LIMCH1: variants seen among roughly 807,000 people sequenced by gnomAD.
The protein encoded by LIMCH1 is LIM and calponin homology domains 1, also known as LIM and calponin homology domains-containing protein 1.
In LIMCH1, 113 loss-of-function variants were observed where a neutral mutation model predicts 176.5. The ratio of observed to expected loss-of-function variants is 0.64; its 90% confidence interval spans 0.55 to 0.75. The LOEUF (loss-of-function observed/expected upper bound fraction) is 0.75, where lower values mean the gene tolerates loss of function less well. Ranked by LOEUF, LIMCH1 falls within the 30% of genes least tolerant of loss-of-function variation. The pLI, the probability that LIMCH1 is intolerant of heterozygous loss-of-function variation, is 0.00. For missense variants in LIMCH1, 1,674 were observed against 1,814.9 expected, an observed-to-expected ratio of 0.92 and a Z score of 1.41; for synonymous variants, 619 against 645.9, an observed-to-expected ratio of 0.96 and a Z score of 0.63.
Position 41,626,835 on chromosome 4 carries a change from G to A in LIMCH1, c.853G>A (p.Asp285Asn). 5 of 1,536,198 alleles carry A rather than the reference G, an allele frequency of 3.3e-6. No homozygotes were observed. Among genetic ancestry groups the A allele is most frequent in the Non-Finnish European group, 4.4e-6 (5 of 1,146,928 alleles). Residue 285 changes from aspartate (D) to asparagine (N), a missense_variant, in exon 8 of 32, where the codon GAT becomes AAT. Asp to Asn is a conservative substitution (Grantham distance 23). Around this residue, in one of 3 missense-constraint regions of LIMCH1, gnomAD observed 655 missense variants for 692.2 expected, o/e 0.95. Coordinates refer to ENST00000503057, the MANE Select transcript of LIMCH1 (RefSeq NM_001330672.2). ...AEGEVVCRLP[D>N]LEKDDFAARR... is the part of the protein sequence containing the mutation. ...AGGTGAAGTTGTGTGTCGACTGCCT[G>A]ATCTTGAGAAGGATGACTTTGCTGC...
At chr4:41,636,248 A>G (rs917177727) in intron 13 of LIMCH1, among the ~76,000 whole-genome samples, 2 of 141,858 alleles carry the variant, frequency 1.4e-5, no homozygotes, top group Admixed American at 1.4e-4. Flanking sequence ...TTTTTTTTGT[A>G]GGATGCTTTT....
intron 1 of LIMCH1, among the ~76,000 whole-genome samples, chr4:41,546,650 T>C (rs2079453286): frequency 6.6e-6 from 1 of 152,172 alleles, no homozygotes. Context: ...CTGTTCCACT[T>C]AGCATGTTAT....
At chr4:41,525,429 C>G (rs1010244467) in intron 3 of LIMCH1, among the ~76,000 whole-genome samples, 1 of 152,258 alleles carries the variant, frequency 6.6e-6, no homozygotes, top group Admixed American at 6.5e-5. Flanking sequence ...AGCCATATCA[C>G]GATGACTAAT....
chr4:41,606,025 T>C, intron 4 of LIMCH1, 21 bp downstream of exon 4: 1 of 1,527,794 alleles, frequency 6.5e-7, no homozygotes, highest in African/African-American at 1.4e-5. Context: ...TTTTCTTCTT[T>C]ATCCCATAAG....
At chr4:41,559,853 C>T (rs2081828386) in intron 1 of LIMCH1, among the ~76,000 whole-genome samples, 1 of 152,108 alleles carries the variant, frequency 6.6e-6, no homozygotes, top group Non-Finnish European at 1.5e-5. Context: ...TTCTTGTGCA[C>T]CTCTGTCTAT....
In LIMCH1 at chr4:41,661,522, A is replaced by C. The variant is rs2094618032; in HGVS notation, c.3127+12A>C. 4.5e-6 allele frequency: 7 copies of C among 1,554,670 alleles called. No homozygotes were observed. Among genetic ancestry groups the C allele is most frequent in the Non-Finnish European group, 6.2e-6 (7 of 1,128,444 alleles). The stretch of plus-strand genomic sequence containing the variant: ...ACTTGCCTCATCAGGTTTGTTTCAT[A>C]AGAGACTAGTTTTAAGGCAAATCAT... On this transcript the variant is annotated intron_variant, in intron 19 of 31. Coordinates refer to ENST00000503057, the MANE Select transcript of LIMCH1 (RefSeq NM_001330672.2).
intron 4 of LIMCH1, among the ~76,000 whole-genome samples, chr4:41,607,639 T>A (rs1481915198): frequency 2.0e-5 from 3 of 152,244 alleles, no homozygotes; most frequent in Non-Finnish European, 2.9e-5. Context: ...TTCTCATGAT[T>A]GACATTTCTT....
chr4:41,360,978 T>G lies in LIMCH1; in HGVS notation c.96+42T>G. The stretch of plus-strand genomic sequence containing the variant: ...GGCGGGCGGCCTTGCACTGGCGCCC[T>G]GAGCCACGGACCCGCGCACGCTCCG... On this transcript the variant is annotated intron_variant, in intron 1 of 26. Coordinates refer to the LIMCH1 transcript ENST00000313860. This position sits in a 1 kb window ranked among gnomAD's most constrained non-coding sequence, Gnocchi z 4.5. 6.9e-7 allele frequency: 1 copy of G among 1,442,560 alleles called. No homozygotes were observed. Among genetic ancestry groups the G allele is most frequent in the South Asian group, 1.3e-5 (1 of 79,254 alleles). 89.4% of individuals were successfully genotyped at this position (1,442,560 alleles called of 1,614,324 possible).
At chr4:41,528,417 A>G (rs2076915396) in intron 3 of LIMCH1, among the ~76,000 whole-genome samples, 1 of 152,226 alleles carries the variant, frequency 6.6e-6, no homozygotes. Context: ...AGGAAACCTC[A>G]AATAATTAAT....
At chr4:41,531,860 G>A (rs7668937) in intron 3 of LIMCH1, among the ~76,000 whole-genome samples, 26,514 of 151,968 alleles carry the variant, frequency 0.17, 2,381 homozygotes, top group African/African-American at 0.2. Flanking sequence ...TCCAGGGGTC[G>A]TCCTCCCCTT....
At chr4:41,519,586 T>C (rs2075919372) in intron 2 of LIMCH1, among the ~76,000 whole-genome samples, 1 of 152,216 alleles carries the variant, frequency 6.6e-6, no homozygotes, top group Admixed American at 6.5e-5. Context: ...GTTGACCTGA[T>C]TCATTTATGT....
intron 18 of LIMCH1, among the ~76,000 whole-genome samples, chr4:41,658,087 A>C (rs1231889692): frequency 6.6e-6 from 1 of 152,224 alleles, no homozygotes; most frequent in African/African-American, 2.4e-5. Flanking sequence ...GGTCACCAGC[A>C]CAGGCAGGGT....
chr4:41,626,601 A>C (rs763998385), intron 7 of LIMCH1, 107 bp from the exon 8 acceptor site: 10 of 887,378 alleles, frequency 1.1e-5, no homozygotes, highest in Non-Finnish European at 1.7e-5. Flanking sequence ...TGAACTAACA[A>C]TATCGAGAAG....
intron 27 of LIMCH1, 72 bp downstream of exon 27, chr4:41,684,590 A>G: frequency 1.3e-6 from 2 of 1,551,182 alleles, no homozygotes; most frequent in Admixed American, 1.8e-5. Flanking sequence ...CCAGAAAGCT[A>G]TGATCTCTGC....
intron 5 of LIMCH1, among the ~76,000 whole-genome samples, chr4:41,615,497 C>T (rs1173299177): frequency 6.6e-6 from 1 of 152,104 alleles, no homozygotes; most frequent in Non-Finnish European, 1.5e-5. Context: ...CATGAAAGAG[C>T]TTCTTATACA....
At chr4:41,520,271 C>T (rs184592112) in intron 2 of LIMCH1, among the ~76,000 whole-genome samples, 51 of 152,194 alleles carry the variant, frequency 3.4e-4, no homozygotes, top group Admixed American at 3.3e-3. Flanking sequence ...CTACATTGGC[C>T]TTCTGGTTGT....
chr4:41,376,015 T>C (rs2154100037), intron 1 of LIMCH1, among the ~76,000 whole-genome samples: 1 of 152,338 alleles, frequency 6.6e-6, no homozygotes, highest in East Asian at 1.9e-4. Context: ...AGAAAATATG[T>C]TTTTTGAGAT....
chr4:41,612,754 C>T, intron 4 of LIMCH1: 1 of 701,382 alleles, frequency 1.4e-6, no homozygotes, highest in Non-Finnish European at 2.4e-6. Flanking sequence ...CAAGTGCTTT[C>T]AGCTCCCCCA....
intron 1 of LIMCH1, among the ~76,000 whole-genome samples, chr4:41,404,430 G>A (rs2058757247): frequency 6.6e-6 from 1 of 152,138 alleles, no homozygotes; most frequent in Admixed American, 6.5e-5. Flanking sequence ...GGTGGGGGCA[G>A]TGCCAACCAC....
Sources: allele counts gnomAD v4.1 joint callset (sites outside exome capture counted in the v4.1 genomes callset), GRCh38; gene constraint gnomAD v4.1.1; regional missense constraint gnomAD v4.1.1; non-coding constraint Gnocchi (gnomAD v3.1); transcripts MANE v1.5; gene names NCBI Gene and HGNC (gene_info 2026-07-23, HGNC 2026-07-21).